Variants in GMDS observed in about 807,000 individuals in gnomAD.
GMDS encodes the protein GDP-mannose 4,6 dehydratase.
GMDS carries 20 observed loss-of-function variants against 49.9 expected under a neutral mutation model. That is an observed-to-expected ratio of 0.40 (90% CI 0.28 to 0.58). The LOEUF (loss-of-function observed/expected upper bound fraction) is 0.58. GMDS is among the 20% of genes least tolerant of loss of function. The pLI, the probability that GMDS is intolerant of heterozygous loss-of-function variation, is 0.42. For missense variants in GMDS, 362 were observed against 481.4 expected, an observed-to-expected ratio of 0.75 and a Z score of 2.32; for synonymous variants, 177 against 178.6, an observed-to-expected ratio of 0.99 and a Z score of 0.07.
intron 4 of GMDS, among the ~76,000 whole-genome samples, chr6:2,067,089 T>C (rs897223133): frequency 6.6e-6 from 1 of 151,424 alleles, no homozygotes; most frequent in African/African-American, 2.4e-5. Flanking sequence ...GCAATCAAAT[T>C]AGAACTCAGG....
chr6:1,648,058 A>G (rs143300273), intron 9 of GMDS, among the ~76,000 whole-genome samples: 183 of 152,278 alleles, frequency 1.2e-3, no homozygotes, highest in Non-Finnish European at 6.9e-4. Context: ...TTCAGAGCCC[A>G]TACCTATTTG....
chr6:2,059,214 G>T (rs1770973387), intron 4 of GMDS, among the ~76,000 whole-genome samples: 2 of 130,002 alleles, frequency 1.5e-5, no homozygotes, highest in Admixed American at 8.0e-5. Context: ...AAGTCATCAT[G>T]TCCAGTGTTT....
At chr6:1,931,564 T>C (rs1409795449) in intron 6 of GMDS, among the ~76,000 whole-genome samples, 3 of 152,328 alleles carry the variant, frequency 2.0e-5, no homozygotes, top group East Asian at 3.9e-4. Flanking sequence ...CAAAAAAAAG[T>C]GCCTTTCGAA....
chr6:1,766,317 T>C lies in GMDS; in HGVS notation c.772-23731A>G, dbSNP rs1050995627. Among the ~76,000 whole-genome samples, 30 of 152,168 alleles carry C rather than the reference T, an allele frequency of 2.0e-4. No homozygotes were observed. The highest frequency in any genetic ancestry group is 7.2e-4 in the African/African-American group (30 of 41,436). On this transcript the variant is annotated intron_variant, in intron 7 of 10. Coordinates refer to ENST00000380815, the MANE Select transcript of GMDS (RefSeq NM_001500.4). This position sits in a 1 kb window ranked among gnomAD's most constrained non-coding sequence, Gnocchi z 4.5. Reference sequence around the variant, plus strand: ...GAACTTTCGAGGCAGCAGATTCATTTGGGCTTCAGGAAACGCGGTGCATGA... The same window carrying C: ...GAACTTTCGAGGCAGCAGATTCATTCGGGCTTCAGGAAACGCGGTGCATGA...
chr6:2,093,712 A>G (rs901510697), intron 4 of GMDS, among the ~76,000 whole-genome samples: 1 of 152,138 alleles, frequency 6.6e-6, no homozygotes, highest in Non-Finnish European at 1.5e-5. Context: ...AAAAGATACA[A>G]ATTAAATGCA....
At chr6:2,044,532 G>A (rs1462241112) in intron 4 of GMDS, among the ~76,000 whole-genome samples, 2 of 152,118 alleles carry the variant, frequency 1.3e-5, no homozygotes, top group Non-Finnish European at 2.9e-5. Context: ...TGGACATACA[G>A]AGGAAAACAA....
chr6:1,754,421 T>A (rs919952324), intron 7 of GMDS, among the ~76,000 whole-genome samples: 1 of 152,170 alleles, frequency 6.6e-6, no homozygotes, highest in Non-Finnish European at 1.5e-5. Context: ...CAGGACCAGA[T>A]GGATTCACAG....
intron 6 of GMDS, among the ~76,000 whole-genome samples, chr6:1,935,852 C>T (rs1386851808): frequency 6.6e-6 from 1 of 152,104 alleles, no homozygotes; most frequent in Non-Finnish European, 1.5e-5. Context: ...CATTAAAAAC[C>T]AGTATATGCT....
intron 7 of GMDS, among the ~76,000 whole-genome samples, chr6:1,897,983 C>T (rs1224924720): frequency 7.8e-6 from 1 of 128,360 alleles, no homozygotes; most frequent in African/African-American, 2.8e-5. Context: ...CCTACCCTGG[C>T]CTCCCTTGCC....
At chr6:2,108,418 G>A (rs970703335) in intron 4 of GMDS, among the ~76,000 whole-genome samples, 1 of 151,516 alleles carries the variant, frequency 6.6e-6, no homozygotes, top group African/African-American at 2.4e-5. Flanking sequence ...CCAAAAAGAT[G>A]ATTATCATTC....
At chr6:1,938,965 C>G (rs1438401909) in intron 6 of GMDS, among the ~76,000 whole-genome samples, 3 of 135,224 alleles carry the variant, frequency 2.2e-5, no homozygotes, top group South Asian at 5.2e-4. Flanking sequence ...CTCCCCTCCC[C>G]TCCCCTCCCC....
intron 6 of GMDS, among the ~76,000 whole-genome samples, chr6:1,950,119 T>C (rs1763267968): frequency 6.6e-6 from 1 of 152,240 alleles, no homozygotes; most frequent in South Asian, 2.1e-4. Flanking sequence ...AAGTGTTTTC[T>C]GCCTATTGTG....
intron 4 of GMDS, among the ~76,000 whole-genome samples, chr6:2,006,072 T>C (rs1472940237): frequency 1.3e-5 from 2 of 152,084 alleles, no homozygotes; most frequent in Admixed American, 6.6e-5. Flanking sequence ...GACAAGCATG[T>C]CCAGCTTCCT....
intron 9 of GMDS, among the ~76,000 whole-genome samples, chr6:1,651,383 C>T (rs1763648996): frequency 6.6e-6 from 1 of 152,218 alleles, no homozygotes; most frequent in South Asian, 2.1e-4. Flanking sequence ...CTGGGACTGG[C>T]ATCTCAACCT....
intron 4 of GMDS, among the ~76,000 whole-genome samples, chr6:2,000,180 C>A (rs1403337754): frequency 6.9e-6 from 1 of 145,084 alleles, no homozygotes; most frequent in African/African-American, 2.5e-5. Flanking sequence ...GGACTACAGG[C>A]GCCCGCCACC....
At chr6:1,859,278 G>A (rs909246324) in intron 7 of GMDS, among the ~76,000 whole-genome samples, 1 of 152,194 alleles carries the variant, frequency 6.6e-6, no homozygotes, top group African/African-American at 2.4e-5. Context: ...TGCAAATGCT[G>A]CTGCTTGGAC....
chr6:1,976,241 A>C (rs935709687), intron 4 of GMDS, among the ~76,000 whole-genome samples: 31 of 152,350 alleles, frequency 2.0e-4, no homozygotes, highest in African/African-American at 7.5e-4. Context: ...GGTTGTCTTC[A>C]ACTGACCAAT....
chr6:2,065,190 C>T (rs1042451873), intron 4 of GMDS, among the ~76,000 whole-genome samples: 8 of 152,136 alleles, frequency 5.3e-5, no homozygotes, highest in Admixed American at 4.6e-4. Context: ...CCTGGTACTC[C>T]AACAGACCTG....
chr6:2,148,551 G>C (rs979118100), intron 1 of GMDS, among the ~76,000 whole-genome samples: 1 of 152,130 alleles, frequency 6.6e-6, no homozygotes, highest in Non-Finnish European at 1.5e-5. Context: ...CTCTCAAGTA[G>C]CTGGGATTAC....
Sources: gnomAD v4.1 joint callset for allele counts (sites outside exome capture counted in the v4.1 genomes callset) on GRCh38, gnomAD v4.1.1 for gene constraint, Gnocchi (gnomAD v3.1) non-coding constraint, MANE v1.5 for transcripts, NCBI Gene and HGNC (gene_info 2026-07-23, HGNC 2026-07-21) for gene names.